The following LRP5 variants were observed in gnomAD, a reference collection of about 807,000 sequenced individuals.
LRP5 encodes low-density lipoprotein receptor-related protein 5.
Under a neutral mutation model 154.1 loss-of-function variants are expected in LRP5, and 62 were observed. That is an observed-to-expected ratio of 0.40 (90% confidence interval 0.33 to 0.50). LRP5 has a LOEUF of 0.50. LRP5 is among the 20% of genes least tolerant of loss of function. The pLI is 0.55. For missense variants in LRP5, 1,915 were observed against 2,336.7 expected (o/e 0.82, Z 3.72); for synonymous variants, 966 against 1,011.5 (o/e 0.96, Z 0.85).
intron 1 of LRP5, among the ~76,000 whole-genome samples, chr11:68,315,543 T>C (rs961783055): frequency 8.5e-5 from 13 of 152,200 alleles, no homozygotes; most frequent in Non-Finnish European, 1.3e-4. Context: ...ACCTGTAAAA[T>C]GGGAATAGAA....
chr11:68,441,597 C>A (rs185889419), intron 21 of LRP5, among the ~76,000 whole-genome samples: 56 of 152,294 alleles, frequency 3.7e-4, no homozygotes, highest in African/African-American at 1.3e-3. Context: ...GCTTAACCAG[C>A]CAGGAGTGCT....
intron 1 of LRP5, among the ~76,000 whole-genome samples, chr11:68,317,050 T>G (rs2098593833): frequency 6.6e-6 from 1 of 152,188 alleles, no homozygotes; most frequent in South Asian, 2.1e-4. Context: ...AGCAGCAGGG[T>G]GTGGGCTCTG....
intron 2 of LRP5, among the ~76,000 whole-genome samples, chr11:68,352,802 G>A (rs1016186328): frequency 1.3e-5 from 2 of 151,330 alleles, no homozygotes; most frequent in Admixed American, 6.6e-5. Context: ...TCAGTTGGGA[G>A]GTGCTAGATG....
At chr11:68,394,578 G>A (rs934953077) in intron 7 of LRP5, among the ~76,000 whole-genome samples, 6 of 151,612 alleles carry the variant, frequency 4.0e-5, no homozygotes, top group African/African-American at 7.3e-5. Context: ...CCATTCTCCT[G>A]CCTCAGCCTC....
chr11:68,368,400 C>T (rs909834213), intron 5 of LRP5, among the ~76,000 whole-genome samples: 7 of 152,182 alleles, frequency 4.6e-5, no homozygotes, highest in African/African-American at 1.4e-4. Flanking sequence ...GAGGGAAAGG[C>T]GAGAAGGAAC....
intron 7 of LRP5, among the ~76,000 whole-genome samples, chr11:68,397,845 T>C (rs1172621533): frequency 2.0e-5 from 3 of 152,036 alleles, no homozygotes; most frequent in African/African-American, 7.2e-5. Context: ...TGACTTTTGC[T>C]AAGTGGGTGG....
chr11:68,404,486 G>A (rs1344756097), intron 8 of LRP5: 5 of 490,608 alleles, frequency 1.0e-5, no homozygotes, highest in African/African-American at 1.9e-5. Context: ...TTTAAAATAC[G>A]AGGGAGCTGG....
At chr11:68,373,620 C>A (rs1231840524) in intron 5 of LRP5, among the ~76,000 whole-genome samples, 1 of 152,242 alleles carries the variant, frequency 6.6e-6, no homozygotes, top group Non-Finnish European at 1.5e-5. Context: ...GAGTCACTCT[C>A]ATCCCCAGCA....
At chr11:68,399,733 C>T (rs1256480495) in intron 7 of LRP5, among the ~76,000 whole-genome samples, 1 of 152,216 alleles carries the variant, frequency 6.6e-6, no homozygotes, top group African/African-American at 2.4e-5. Context: ...AGGCAGAGGC[C>T]TCCTGAGTCG....
At chr11:68,316,683 C>T (rs1052913299) in intron 1 of LRP5, among the ~76,000 whole-genome samples, 6 of 152,202 alleles carry the variant, frequency 3.9e-5, no homozygotes, top group Admixed American at 6.5e-5. Flanking sequence ...ATCTCCCAGC[C>T]GGCACGAGCA....
chr11:68,371,351 C>T (rs1001587242), intron 5 of LRP5, among the ~76,000 whole-genome samples: 11 of 152,250 alleles, frequency 7.2e-5, no homozygotes, highest in African/African-American at 2.2e-4. Flanking sequence ...AGGACAGGCA[C>T]GGCCTAGCAT....
At chr11:68,300,604 G>A in the LRP5 span, among the ~76,000 whole-genome samples, 3 of 149,624 alleles carry the variant, frequency 2.0e-5, no homozygotes, top group African/African-American at 7.3e-5. Flanking sequence ...TTTGCACCAA[G>A]TACTTGGACC....
At chr11:68,441,335 C>T (rs1029802012) in intron 21 of LRP5, among the ~76,000 whole-genome samples, 12 of 152,204 alleles carry the variant, frequency 7.9e-5, no homozygotes, top group African/African-American at 2.9e-4. Flanking sequence ...GCCTCGGCCT[C>T]CCCAGGTGCT....
chr11:68,304,206 G>T, the LRP5 span, among the ~76,000 whole-genome samples: 1 of 152,236 alleles, frequency 6.6e-6, no homozygotes, highest in African/African-American at 2.4e-5. Context: ...ACAGCCTCAG[G>T]ACACTGCTCC....
chr11:68,387,003 A>G (rs1445843980), intron 6 of LRP5, among the ~76,000 whole-genome samples: 7 of 152,186 alleles, frequency 4.6e-5, no homozygotes, highest in Non-Finnish European at 1.0e-4. Context: ...CCCTGGCTTC[A>G]GTTTCCTCAT....
chr11:68,413,559 C>T lies in LRP5; in HGVS notation c.2504-130C>T. On this transcript the variant is annotated intron_variant, in intron 11 of 22. Coordinates refer to ENST00000294304, the MANE Select transcript of LRP5 (RefSeq NM_002335.4). The surrounding 1 kb of genome is among the most constrained non-coding windows in gnomAD (Gnocchi z 5.1). Reference sequence around the variant, plus strand: ...GGATCTTGCTGGTTTTCCAAGGTGGCCAAACACTTTAAGGCATTCATGTGG... The same window carrying T: ...GGATCTTGCTGGTTTTCCAAGGTGGTCAAACACTTTAAGGCATTCATGTGG... The T allele has an allele frequency of 1.2e-6, 1 of 808,490 alleles. No homozygotes were observed. Among genetic ancestry groups the T allele is most frequent in the Non-Finnish European group, 2.1e-6 (1 of 476,722 alleles). 50.1% of individuals were successfully genotyped at this position (808,490 alleles called of 1,614,324 possible). A position where few individuals can be genotyped will look rare whatever the true frequency, so the allele number is the denominator to read the frequency against.
At chr11:68,436,818 G>A (rs1374488546) in intron 18 of LRP5, 71 bp from the exon 19 acceptor site, 1 of 1,107,198 alleles carries the variant, frequency 9.0e-7, no homozygotes, top group Admixed American at 1.7e-5. Context: ...CCAGACCTTG[G>A]TTGCTGTGCC....
At chr11:68,387,259 T>G (rs2098643589) in intron 6 of LRP5, among the ~76,000 whole-genome samples, 1 of 151,994 alleles carries the variant, frequency 6.6e-6, no homozygotes, top group Non-Finnish European at 1.5e-5. Flanking sequence ...GGATTACAGG[T>G]GCCTGCCACT....
Position 68,312,748 on chromosome 11 carries a change from C to T in LRP5, c.34C>T (p.Leu12=). ...EAAPPGPPWP[L]LLLLLLLLAL... is the part of the protein sequence containing the mutation. ...AGCGCCGCCCGGGCCGCCGTGGCCG[C>T]TGCTGCTGCTGCTGCTGCTGCTGCT... Residue 12 remains leucine, a synonymous_variant, in exon 1 of 23, where the codon CTG becomes TTG. Coordinates refer to ENST00000294304, the MANE Select transcript of LRP5 (RefSeq NM_002335.4). The T allele has an allele frequency of 1.3e-6, 1 of 784,848 alleles. No individual in the cohort carries two copies. Among genetic ancestry groups the T allele is most frequent in the East Asian group, 1.1e-4 (1 of 8,894 alleles). 48.6% of individuals were successfully genotyped at this position (784,848 alleles called of 1,614,324 possible). A position where few individuals can be genotyped will look rare whatever the true frequency, so the allele number is the denominator to read the frequency against.
Sources: allele counts gnomAD v4.1 joint callset (sites outside exome capture counted in the v4.1 genomes callset), GRCh38; gene constraint gnomAD v4.1.1; non-coding constraint Gnocchi (gnomAD v3.1); transcripts MANE v1.5; gene names NCBI Gene and HGNC (gene_info 2026-07-23, HGNC 2026-07-21).